The following INTS13 variants were observed in gnomAD, a reference collection of about 807,000 sequenced individuals.
The protein encoded by INTS13 is integrator complex subunit 13, also known as asunder, spermatogenesis regulator homolog (Drosphila).
Under a neutral mutation model 90.2 loss-of-function variants are expected in INTS13, and 35 were observed. The observed-to-expected ratio is 0.39, with a 90% CI of 0.30 to 0.51. INTS13 has a LOEUF of 0.51. Among genes scored for constraint, INTS13 ranks in the 20% least tolerant of loss-of-function variants. The pLI, the probability that INTS13 is intolerant of heterozygous loss-of-function variation, is 0.80. For missense variants in INTS13, 601 were observed against 851.2 expected (o/e 0.71, Z 3.66); for synonymous variants, 309 against 277.1 (o/e 1.11, Z -1.14).
chr12:26,923,647 T>C (rs969953089), intron 7 of INTS13, among the ~76,000 whole-genome samples: 3 of 152,118 alleles, frequency 2.0e-5, no homozygotes, highest in African/African-American at 7.2e-5. Flanking sequence ...GTTAATATAA[T>C]GAAAATGAAC....
At chr12:26,912,449 A>G (rs1951807834) in intron 14 of INTS13, among the ~76,000 whole-genome samples, 1 of 152,180 alleles carries the variant, frequency 6.6e-6, no homozygotes, top group Non-Finnish European at 1.5e-5. Flanking sequence ...AAAAATAAAT[A>G]AAAATTAATT....
chr12:26,920,764 T>C (rs1200227119), intron 8 of INTS13, among the ~76,000 whole-genome samples: 5 of 152,192 alleles, frequency 3.3e-5, no homozygotes, highest in African/African-American at 1.2e-4. Context: ...AATTTCCATG[T>C]AATATATTTT....
Position 26,914,122 on chromosome 12 carries a change from GAA to G in INTS13, c.1424_1425del (p.Val475AlafsTer28). 6.4e-7 allele frequency: 1 copy of G among 1,572,608 alleles called. No homozygotes were observed. Among genetic ancestry groups the G allele is most frequent in the Non-Finnish European group, 8.6e-7 (1 of 1,167,454 alleles). On this transcript the variant is annotated frameshift_variant, in exon 13 of 17. Transcript: ENST00000261191. LOFTEE classifies it high-confidence loss of function. ...QTTIFNMQAV[V>X]PLASVIVKES... The stretch of plus-strand genomic sequence containing the variant: ...TCTTTCACAATAACACTGGCTAATG[GAA>G]CTACCTGTTAGATTTTTTTTAAAGA...
intron 5 of INTS13, among the ~76,000 whole-genome samples, chr12:26,927,880 T>G (rs1161274698): frequency 1.3e-5 from 2 of 152,178 alleles, no homozygotes; most frequent in African/African-American, 4.8e-5. Flanking sequence ...CCCCGCAAAG[T>G]GCTGGGATAA....
At chr12:26,929,114 A>G in intron 3 of INTS13, 1 of 513,524 alleles carries the variant, frequency 1.9e-6, no homozygotes, top group Non-Finnish European at 3.5e-6. Context: ...AGTTTATTTA[A>G]TATGCAAATA....
At chr12:26,908,995 T>C (rs1393801043) in intron 15 of INTS13, among the ~76,000 whole-genome samples, 2 of 152,228 alleles carry the variant, frequency 1.3e-5, no homozygotes, top group African/African-American at 4.8e-5. Context: ...ACAGTACATA[T>C]GTTTATGTAA....
chr12:26,924,275 G>A (rs1427946785), intron 7 of INTS13, 80 bp downstream of exon 7: 13 of 1,487,830 alleles, frequency 8.7e-6, no homozygotes, highest in Non-Finnish European at 1.2e-5. Flanking sequence ...TTACAGGCAT[G>A]AGCTACCACG....
chr12:26,937,266 T>C (rs970325462), intron 1 of INTS13, among the ~76,000 whole-genome samples: 5 of 152,168 alleles, frequency 3.3e-5, no homozygotes, highest in African/African-American at 9.7e-5. Context: ...GAAGGGGGAC[T>C]GGCGGGTAGG....
At chr12:26,932,766 T>A (rs1055215468) in intron 3 of INTS13, among the ~76,000 whole-genome samples, 2 of 151,954 alleles carry the variant, frequency 1.3e-5, no homozygotes, top group African/African-American at 4.8e-5. Flanking sequence ...GATAAAAGAG[T>A]AGAAGAACAG....
At chr12:26,932,736 G>C (rs1938263394) in intron 3 of INTS13, among the ~76,000 whole-genome samples, 1 of 151,938 alleles carries the variant, frequency 6.6e-6, no homozygotes, top group Non-Finnish European at 1.5e-5. Flanking sequence ...CCAGAGAGCT[G>C]ACAACCAAGT....
chr12:26,910,356 A>C (rs547339235), intron 15 of INTS13, among the ~76,000 whole-genome samples: 1 of 152,326 alleles, frequency 6.6e-6, no homozygotes, highest in African/African-American at 2.4e-5. Flanking sequence ...CAAAGGCTTC[A>C]TTAATGAAAG....
chr12:26,920,962 G>A (rs760823882), intron 8 of INTS13, among the ~76,000 whole-genome samples: 26 of 152,104 alleles, frequency 1.7e-4, no homozygotes, highest in Non-Finnish European at 3.5e-4. Context: ...CGTTTCTCTG[G>A]CAGCATCAAT....
At chr12:26,927,637 A>T (rs1172478289) in intron 5 of INTS13, among the ~76,000 whole-genome samples, 1 of 152,110 alleles carries the variant, frequency 6.6e-6, no homozygotes, top group Non-Finnish European at 1.5e-5. Context: ...TTTTTTTGAG[A>T]CATGGTCTTG....
rs770186212 is a variant in INTS13 at position 26,914,431 on chromosome 12, T to C, written c.1396A>G (p.Thr466Ala). 2 of 1,613,330 alleles carry C rather than the reference T, an allele frequency of 1.2e-6. No individual in the cohort carries two copies. Among genetic ancestry groups the C allele is most frequent in the Non-Finnish European group, 8.5e-7 (1 of 1,179,744 alleles). ...ACCGCTTGCATGTTAAAAATGGTGG[T>C]TTGTGAAATGATCATAGGCCAGTAA... is the stretch of plus-strand genomic sequence containing the variant. ...TRYWPMIISQ[T>A]TIFNMQAVVP... The change falls in exon 12 of 17, where the codon ACC becomes GCC. Residue 466 changes from threonine (T) to alanine (A), a missense_variant. By Grantham distance (58) the Thr-to-Ala change is moderately conservative. This residue lies in a region of INTS13 where 89 missense variants were observed against 191.0 expected (regional missense o/e 0.47). Transcript: ENST00000261191.
At chr12:26,921,694 T>C (rs756778282) in intron 8 of INTS13, among the ~76,000 whole-genome samples, 6 of 152,212 alleles carry the variant, frequency 3.9e-5, no homozygotes, top group Non-Finnish European at 7.3e-5. Flanking sequence ...CTCACCCTGT[T>C]GCCCAGGTTG....
chr12:26,928,854 C>G lies in INTS13; in HGVS notation c.352G>C (p.Glu118Gln). Residue 118 changes from glutamate (E) to glutamine (Q), a missense_variant, in exon 4 of 17, where the codon GAG becomes CAG. Coordinates refer to ENST00000261191, the MANE Select transcript of INTS13 (RefSeq NM_018164.3). ...AGGCCATGCAGAATACTGCAGCACT[C>G]TGGATCTGCCCGAGGATTAGGAGGC... The part of the protein sequence containing the change: ...VGPPNPRADP[E>Q]CCSILHGLVA... 1 of 1,614,206 alleles carries G rather than the reference C, an allele frequency of 6.2e-7. No homozygotes were observed. The highest frequency in any genetic ancestry group is 8.5e-7 in the Non-Finnish European group (1 of 1,180,040).
At chr12:26,922,455 G>A (rs765681746) in intron 8 of INTS13, among the ~76,000 whole-genome samples, 161 bp downstream of exon 8, 3 of 152,112 alleles carry the variant, frequency 2.0e-5, no homozygotes, top group African/African-American at 7.2e-5. Context: ...AGGTATGTAC[G>A]TATAGGAGAA....
Position 26,925,864 on chromosome 12 carries a change from T to C in INTS13, c.585-13A>G. ...AATCTGCATGAGACTTAAAGAGAAATTTTTGACTTAAAATTTAAGAATACA... is the reference window on the plus strand; with the variant it reads ...AATCTGCATGAGACTTAAAGAGAAACTTTTGACTTAAAATTTAAGAATACA... On this transcript the variant is annotated splice_polypyrimidine_tract_variant and intron_variant, in intron 5 of 16. Transcript: ENST00000261191. The C allele has an allele frequency of 6.9e-6, 11 of 1,595,990 alleles. No individual in the cohort carries two copies. The highest frequency in any genetic ancestry group is 9.4e-6 in the Non-Finnish European group (11 of 1,165,166).
rs1450391986 is a variant in INTS13 at position 26,917,440 on chromosome 12, T to C, written c.981A>G (p.Glu327=). The C allele has an allele frequency of 6.6e-7, 1 of 1,504,716 alleles. No homozygotes were observed. The highest frequency in any genetic ancestry group is 9.1e-7 in the Non-Finnish European group (1 of 1,097,174). The allele number at this position is 1,504,716 out of a possible 1,614,324, so 93.2% of individuals were successfully genotyped here. ...GATAAGCTCCAGTACAATAGTGTAA[T>C]TCTGAAATAGAAGAAAACACTGATT... The part of the protein sequence containing the change: ...KWCTPRTNNI[E]LHYCTGAYRI... The change falls in exon 10 of 17, where the codon GAA becomes GAG. Residue 327 remains glutamate (E), a splice_region_variant and synonymous_variant. Coordinates refer to ENST00000261191, the MANE Select transcript of INTS13 (RefSeq NM_018164.3).
Sources: gnomAD v4.1 joint callset for allele counts (sites outside exome capture counted in the v4.1 genomes callset) on GRCh38, gnomAD v4.1.1 for gene constraint, gnomAD v4.1.1 regional missense constraint, MANE v1.5 for transcripts, NCBI Gene and HGNC (gene_info 2026-07-23, HGNC 2026-07-21) for gene names.